Variants in PLCE1 observed in about 807,000 individuals in gnomAD.
PLCE1 encodes the protein phospholipase C epsilon 1, also known as 1-phosphatidylinositol 4,5-bisphosphate phosphodiesterase epsilon-1.
PLCE1 carries 119 observed loss-of-function variants against 242.8 expected under a neutral mutation model. The observed-to-expected ratio is 0.49, with a 90% CI of 0.42 to 0.57. The LOEUF (loss-of-function observed/expected upper bound fraction) is 0.57. Among genes scored for constraint, PLCE1 ranks in the 20% least tolerant of loss-of-function variants. The pLI is 0.00. For synonymous variants in PLCE1, 945 were observed against 1,017.4 expected (o/e 0.93, Z 1.35); for missense variants, 2,441 against 2,788.8 (o/e 0.88, Z 2.81).
intron 4 of PLCE1, among the ~76,000 whole-genome samples, chr10:94,187,040 AAGAC>A (rs1468515813): frequency 1.3e-5 from 2 of 152,200 alleles, no homozygotes; most frequent in African/African-American, 4.8e-5. Context: ...CAGATAAATT[AAGAC>A]ATGGGGCTAA....
rs536379050 is a variant in PLCE1 at position 94,124,291 on chromosome 10, TC to T, written c.1207-7882del. ...CACTCAGGAGGCTGAGGTGGGAAGA[TC>T]ACTTGAGCCCAAGAGGTCAAGGCTG... On this transcript the variant is annotated intron_variant, in intron 2 of 32. Transcript: ENST00000371380. Among the ~76,000 whole-genome samples, 6 of 148,616 alleles carry T rather than the reference TC, an allele frequency of 4.0e-5. No individual in the cohort carries two copies. In the South Asian group the frequency reaches 1.3e-3, roughly 31 times the overall value.
chr10:94,285,512 T>C (rs991817932), intron 22 of PLCE1, among the ~76,000 whole-genome samples: 3 of 152,212 alleles, frequency 2.0e-5, no homozygotes, highest in African/African-American at 7.2e-5. Flanking sequence ...CCAAGGTACA[T>C]GCTTTCTCTT....
intron 1 of PLCE1, among the ~76,000 whole-genome samples, chr10:94,017,474 T>C (rs1223618): frequency 0.57 from 86,421 of 151,968 alleles, 26,163 homozygotes; most frequent in African/African-American, 0.77. Flanking sequence ...CAAAACAAGC[T>C]ATTAGAATGA....
chr10:94,188,444 T>C (rs1309929372), intron 4 of PLCE1, among the ~76,000 whole-genome samples: 1 of 152,212 alleles, frequency 6.6e-6, no homozygotes, highest in African/African-American at 2.4e-5. Flanking sequence ...GCCTTTCACA[T>C]ACATTATGAC....
intron 1 of PLCE1, among the ~76,000 whole-genome samples, chr10:94,007,048 G>A (rs1487022399): frequency 6.6e-6 from 1 of 152,142 alleles, no homozygotes; most frequent in Non-Finnish European, 1.5e-5. Flanking sequence ...ATATTTGGGG[G>A]TGGGTGTGTT....
Position 94,132,373 on chromosome 10 carries a change from C to T in PLCE1, c.1406C>T (p.Ser469Phe). 1.2e-6 allele frequency: 2 copies of T among 1,614,074 alleles called. No homozygotes were observed. Among genetic ancestry groups the T allele is most frequent in the South Asian group, 1.1e-5 (1 of 91,074 alleles). ...TCAATATCGCAGTACATCACCGGTT[C>T]TCTCCTAGAAGCAACCACGTCTTTG... ...RTSISQYITGSLLEATTSLGA... is the reference protein window; with the variant it reads ...RTSISQYITGFLLEATTSLGA... The change falls in exon 3 of 33, where the codon TCT (serine) becomes TTT (phenylalanine). Residue 469 changes from serine to phenylalanine, a missense_variant. This residue lies in a region of PLCE1 where 733 missense variants were observed against 754.2 expected (regional missense o/e 0.97). Transcript: ENST00000371380.
chr10:94,097,514 C>G (rs1337175256), intron 2 of PLCE1, among the ~76,000 whole-genome samples: 2 of 152,172 alleles, frequency 1.3e-5, no homozygotes, highest in South Asian at 2.1e-4. Flanking sequence ...GCCTCCTTCC[C>G]TTTGAGCTTC....
At chr10:94,223,233 C>CAAAAAAAAAAAAAAAAAAA (rs60764243) in intron 4 of PLCE1, among the ~76,000 whole-genome samples, 4 of 90,864 alleles carry the variant, frequency 4.4e-5, no homozygotes, top group African/African-American at 1.9e-4. Context: ...TCCATCTCTA[C>CAAAAAAAAAAAAAAAAAAA]AAAAAAAAAA....
intron 24 of PLCE1, 139 bp from the exon 25 acceptor site, chr10:94,304,343 G>T: frequency 1.3e-6 from 1 of 798,790 alleles, no homozygotes; most frequent in South Asian, 1.4e-5. Flanking sequence ...TCTGTGGGAC[G>T]AATGGGTGAT....
At chr10:94,060,591 C>A (rs2044022137) in intron 2 of PLCE1, among the ~76,000 whole-genome samples, 1 of 152,020 alleles carries the variant, frequency 6.6e-6, no homozygotes, top group Non-Finnish European at 1.5e-5. Context: ...TTATATTGAA[C>A]TCCTAGACTC....
intron 2 of PLCE1, among the ~76,000 whole-genome samples, chr10:94,118,739 T>TCCC (rs2046214761): frequency 6.6e-6 from 1 of 152,146 alleles, no homozygotes; most frequent in Non-Finnish European, 1.5e-5. Flanking sequence ...CAATCTTGGG[T>TCCC]ATGTCTTTAT....
intron 2 of PLCE1, among the ~76,000 whole-genome samples, chr10:94,083,440 A>G (rs1564671569): frequency 6.6e-6 from 1 of 152,130 alleles, no homozygotes; most frequent in Non-Finnish European, 1.5e-5. Flanking sequence ...TCTATAAAGG[A>G]GGCACTGTTA....
At chr10:94,163,960 A>C (rs1288410134) in intron 3 of PLCE1, among the ~76,000 whole-genome samples, 1 of 152,166 alleles carries the variant, frequency 6.6e-6, no homozygotes, top group African/African-American at 2.4e-5. Context: ...TCTTTTCTTT[A>C]AAAATGTTGA....
chr10:94,311,791 T>C (rs79189656), intron 27 of PLCE1, among the ~76,000 whole-genome samples: 2,807 of 152,258 alleles, frequency 0.018, 29 homozygotes, highest in South Asian at 0.041. Flanking sequence ...TATGATCATG[T>C]CACTCCTCTG....
intron 27 of PLCE1, among the ~76,000 whole-genome samples, chr10:94,309,887 A>G (rs2053331812): frequency 6.6e-6 from 1 of 152,098 alleles, no homozygotes; most frequent in South Asian, 2.1e-4. Flanking sequence ...TTAATTGAGC[A>G]TAGTGTCGAG....
At chr10:94,114,912 C>A (rs2046073452) in intron 2 of PLCE1, among the ~76,000 whole-genome samples, 1 of 151,526 alleles carries the variant, frequency 6.6e-6, no homozygotes, top group Admixed American at 6.6e-5. Context: ...TGCTATCCCT[C>A]CCCCCTTCCC....
At chr10:93,997,707 A>G (rs1464100597) in intron 1 of PLCE1, among the ~76,000 whole-genome samples, 2 of 138,032 alleles carry the variant, frequency 1.4e-5, no homozygotes, top group Non-Finnish European at 3.0e-5. Context: ...AAAGTTTCAG[A>G]TAGTGATCTG....
At chr10:94,189,336 T>A (rs1241372744) in intron 4 of PLCE1, among the ~76,000 whole-genome samples, 2 of 149,336 alleles carry the variant, frequency 1.3e-5, no homozygotes, top group African/African-American at 4.9e-5. Context: ...ATATTAAATA[T>A]ATATAAAGGA....
At chr10:94,079,156 A>C (rs914903857) in intron 2 of PLCE1, among the ~76,000 whole-genome samples, 3 of 152,184 alleles carry the variant, frequency 2.0e-5, no homozygotes, top group Admixed American at 2.0e-4. Context: ...TTTTTCTCTC[A>C]AGGGGCTACA....
Sources: gnomAD v4.1 joint callset for allele counts (sites outside exome capture counted in the v4.1 genomes callset) on GRCh38, gnomAD v4.1.1 for gene constraint, gnomAD v4.1.1 regional missense constraint, MANE v1.5 for transcripts, NCBI Gene and HGNC (gene_info 2026-07-23, HGNC 2026-07-21) for gene names.